Variants in NME9 observed in about 807,000 individuals in gnomAD.
The protein encoded by NME9 is NME/NM23 family member 9, also known as thioredoxin domain-containing protein 6.
In NME9, 48 loss-of-function variants were observed where a neutral mutation model predicts 44.4. That is an observed-to-expected ratio of 1.08 (90% CI 0.86 to 1.37). The LOEUF is 1.37. Ranked by LOEUF, NME9 falls within the 40% of genes most tolerant of loss-of-function variation. NME9 has a pLI of 0.00. For missense variants in NME9, 325 were observed against 405.2 expected (o/e 0.80, Z 1.70); for synonymous variants, 139 against 147.1 (o/e 0.94, Z 0.40).
chr3:138,262,432 G>T, exon 9 of NME9: 2 of 1,269,196 alleles, frequency 1.6e-6, no homozygotes, highest in East Asian at 2.4e-5. Flanking sequence ...TATTTTCCCT[G>T]ATCATTGTTA....
chr3:138,283,643 T>C (rs569395976), intron 8 of NME9, among the ~76,000 whole-genome samples: 1 of 152,324 alleles, frequency 6.6e-6, no homozygotes, highest in East Asian at 1.9e-4. Context: ...GGTATCCCTA[T>C]CATAGTCCTT....
Position 138,306,443 on chromosome 3 carries a change from T to C in NME9, c.498A>G (p.Lys166=). The change falls in exon 7 of 11, where the codon AAA becomes AAG. Residue 166 remains lysine (K), a synonymous_variant. Transcript: ENST00000333911. ...SERTCTLAII[K]PDAVAHGKTD... is the part of the protein sequence containing the mutation. ...TCTTTCCATGGGCCACTGCATCTGG[T>C]TTAATGATGGCCAAGGTACAGGTCC... 1.9e-6 allele frequency: 3 copies of C among 1,613,626 alleles called. No individual in the cohort carries two copies. Among genetic ancestry groups the C allele is most frequent in the Non-Finnish European group, 2.5e-6 (3 of 1,179,720 alleles).
At chr3:138,269,906 CT>C (rs2048631032) in intron 8 of NME9, 2 of 286,264 alleles carry the variant, frequency 7.0e-6, no homozygotes, top group Non-Finnish European at 1.3e-5. Context: ...GGCTACATCA[CT>C]CCCTGCTTTG....
intron 8 of NME9, among the ~76,000 whole-genome samples, chr3:138,288,786 C>T (rs759318762): frequency 6.6e-6 from 1 of 151,972 alleles, no homozygotes; most frequent in Non-Finnish European, 1.5e-5. Flanking sequence ...TACAGGCGCC[C>T]GCCACTACAC....
chr3:138,324,308 C>T (rs1484336536), intron 2 of NME9: 2 of 364,362 alleles, frequency 5.5e-6, no homozygotes, highest in Non-Finnish European at 1.1e-5. Context: ...CGTGGTGAGA[C>T]ACTCTGAGCC....
chr3:138,275,456 G>A (rs1484285404), intron 8 of NME9, among the ~76,000 whole-genome samples: 4 of 152,210 alleles, frequency 2.6e-5, no homozygotes, highest in Non-Finnish European at 5.9e-5. Context: ...CTACTGGGGA[G>A]GCTGAGGCAG....
intron 8 of NME9, among the ~76,000 whole-genome samples, chr3:138,281,701 G>A (rs2049944515): frequency 6.6e-6 from 1 of 152,092 alleles, no homozygotes; most frequent in South Asian, 2.1e-4. Flanking sequence ...TTCAAGCCTG[G>A]GGATGCATGG....
intron 8 of NME9, chr3:138,263,469 A>G (rs1576834733): frequency 6.6e-6 from 3 of 453,844 alleles, no homozygotes; most frequent in Non-Finnish European, 1.2e-5. Flanking sequence ...CAGTACTTAT[A>G]CCATTTAATT....
intron 4 of NME9, among the ~76,000 whole-genome samples, chr3:138,315,871 G>C (rs940541383): frequency 6.6e-6 from 1 of 151,824 alleles, no homozygotes; most frequent in East Asian, 1.9e-4. Flanking sequence ...TTGCTCTGTC[G>C]CCCAGGCTGG....
chr3:138,317,463 C>G (rs905463890), intron 4 of NME9, among the ~76,000 whole-genome samples: 1 of 152,174 alleles, frequency 6.6e-6, no homozygotes, highest in Non-Finnish European at 1.5e-5. Context: ...GTGGCCTAAA[C>G]CTAGGAAGCC....
intron 8 of NME9, among the ~76,000 whole-genome samples, chr3:138,273,311 C>A (rs575518319): frequency 6.6e-6 from 1 of 152,166 alleles, no homozygotes; most frequent in South Asian, 2.1e-4. Flanking sequence ...ACCATATCAC[C>A]CCCTATTCTC....
intron 8 of NME9, chr3:138,289,097 A>C: frequency 6.2e-7 from 1 of 1,613,320 alleles, no homozygotes; most frequent in Non-Finnish European, 8.5e-7. Flanking sequence ...TGTATATCAA[A>C]CCTCATATGG....
In NME9 at chr3:138,274,260, T is replaced by TATGA. The variant is rs560843104; in HGVS notation, c.746-11678_746-11675dup. 1.5e-4 allele frequency among the ~76,000 whole-genome samples: 23 copies of TATGA among 151,904 alleles called. No individual in the cohort carries two copies. In the South Asian group the frequency reaches 4.6e-3, roughly 30 times the overall value. ...GTGTGTGTGTGTGTGTGTGTGTGTG[T>TATGA]ATGACATATTTGAAGGCAAACTGCA... is the stretch of plus-strand genomic sequence containing the variant. On this transcript the variant is annotated intron_variant, in intron 8 of 8. Coordinates refer to the NME9 transcript ENST00000317876.
At chr3:138,283,396 T>C (rs2050123014) in intron 8 of NME9, among the ~76,000 whole-genome samples, 1 of 152,258 alleles carries the variant, frequency 6.6e-6, no homozygotes, top group South Asian at 2.1e-4. Flanking sequence ...TCCAGGACTG[T>C]GTCACTTCCT....
At chr3:138,317,239 A>G (rs1420884861) in intron 4 of NME9, among the ~76,000 whole-genome samples, 4 of 152,170 alleles carry the variant, frequency 2.6e-5, no homozygotes, top group Admixed American at 2.0e-4. Context: ...CAGTCTCCCT[A>G]CTAAAATCCA....
chr3:138,326,597 G>A (rs1167672785), intron 1 of NME9, among the ~76,000 whole-genome samples: 2 of 151,556 alleles, frequency 1.3e-5, no homozygotes, highest in African/African-American at 4.8e-5. Context: ...CCACACCCGG[G>A]TAATTTTTTG....
At chr3:138,308,840 A>G (rs1374050859) in intron 6 of NME9, among the ~76,000 whole-genome samples, 2 of 148,516 alleles carry the variant, frequency 1.3e-5, no homozygotes, top group Non-Finnish European at 3.0e-5. Context: ...AAAATATTTT[A>G]TGGTTAAGCT....
intron 8 of NME9, chr3:138,267,068 C>CTTATTTATA: frequency 1.4e-6 from 1 of 735,388 alleles, no homozygotes; most frequent in South Asian, 2.2e-5. Flanking sequence ...GATAATTGTT[C>CTTATTTATA]TTGTTTTTAT....
In NME9 at chr3:138,301,497, G is replaced by A. The variant is rs1487857052; in HGVS notation, c.*143C>T. The A allele has an allele frequency of 7.3e-5, 105 of 1,430,506 alleles. No individual in the cohort carries two copies. Among genetic ancestry groups the A allele is most frequent in the Non-Finnish European group, 8.9e-5 (97 of 1,090,928 alleles). The allele number at this position is 1,430,506 out of a possible 1,614,324, so 88.6% of individuals were successfully genotyped here. ...TGGGATTACAGGTGTGAGTCACTGCGCCCAGCCATATTATTTTCATTGTCT... is the reference window on the plus strand; with the variant it reads ...TGGGATTACAGGTGTGAGTCACTGCACCCAGCCATATTATTTTCATTGTCT... On this transcript the variant is annotated 3_prime_UTR_variant, in exon 11 of 11. Coordinates refer to ENST00000333911, the MANE Select transcript of NME9 (RefSeq NM_001349018.2).
Sources: gnomAD v4.1 joint callset for allele counts (sites outside exome capture counted in the v4.1 genomes callset) on GRCh38, gnomAD v4.1.1 for gene constraint, MANE v1.5 for transcripts, NCBI Gene and HGNC (gene_info 2026-07-23, HGNC 2026-07-21) for gene names.